Variants in KCND2 observed in about 807,000 individuals in gnomAD.
KCND2 encodes potassium voltage-gated channel subfamily D member 2.
A neutral mutation model predicts 54.4 loss-of-function variants in KCND2; 16 were observed. The ratio of observed to expected loss-of-function variants is 0.29; its 90% CI spans 0.20 to 0.45. KCND2 has a LOEUF of 0.45. KCND2 is among the 20% of genes least tolerant of loss of function. The probability of loss-of-function intolerance (pLI) is 1.00; values close to 1 mark genes in which losing one functional copy is unlikely to be tolerated. For missense variants in KCND2, 486 were observed against 824.2 expected (o/e 0.59, Z 5.02); for synonymous variants, 317 against 310.7 (o/e 1.02, Z -0.21).
At chr7:120,560,497 C>T (rs1792220430) in intron 1 of KCND2, among the ~76,000 whole-genome samples, 1 of 152,106 alleles carries the variant, frequency 6.6e-6, no homozygotes, top group Non-Finnish European at 1.5e-5. Context: ...TCTATGGAGC[C>T]CTTCTTGGGC....
chr7:120,431,321 C>T (rs1228165165), intron 1 of KCND2, among the ~76,000 whole-genome samples: 1 of 152,180 alleles, frequency 6.6e-6, no homozygotes, highest in African/African-American at 2.4e-5. Flanking sequence ...CAGCCCATGC[C>T]TTAACGTAGC....
intron 1 of KCND2, among the ~76,000 whole-genome samples, chr7:120,357,359 A>G (rs921449421): frequency 1.3e-5 from 2 of 152,102 alleles, no homozygotes; most frequent in African/African-American, 4.8e-5. Context: ...TTTTCATTAC[A>G]ATGTGCTTTT....
intron 1 of KCND2, among the ~76,000 whole-genome samples, chr7:120,520,478 A>G (rs1404191658): frequency 6.6e-6 from 1 of 152,158 alleles, no homozygotes; most frequent in African/African-American, 2.4e-5. Flanking sequence ...AGATAAAGAG[A>G]GTCCTTGACT....
chr7:120,694,562 A>AT (rs993764666), intron 1 of KCND2, among the ~76,000 whole-genome samples: 1 of 152,088 alleles, frequency 6.6e-6, no homozygotes, highest in African/African-American at 2.4e-5. Flanking sequence ...AACTATAGAT[A>AT]TTTTTTTCAT....
At chr7:120,413,282 G>A (rs556024632) in intron 1 of KCND2, among the ~76,000 whole-genome samples, 4 of 152,028 alleles carry the variant, frequency 2.6e-5, no homozygotes, top group East Asian at 1.9e-4. Flanking sequence ...ACTATGGTTA[G>A]ATTATCTACA....
chr7:120,715,062 C>G (rs1008350016), intron 1 of KCND2, among the ~76,000 whole-genome samples: 2 of 151,956 alleles, frequency 1.3e-5, no homozygotes, highest in Non-Finnish European at 2.9e-5. Flanking sequence ...TGGCATTCAC[C>G]TTCATTAGAG....
chr7:120,511,888 T>A (rs1416158707), intron 1 of KCND2, among the ~76,000 whole-genome samples: 1 of 152,120 alleles, frequency 6.6e-6, no homozygotes, highest in African/African-American at 2.4e-5. Flanking sequence ...CCCACTTGTA[T>A]TATATCAAAA....
chr7:120,427,320 C>T (rs1395867772), intron 1 of KCND2, among the ~76,000 whole-genome samples: 1 of 152,196 alleles, frequency 6.6e-6, no homozygotes, highest in African/African-American at 2.4e-5. Flanking sequence ...CAGTTACACC[C>T]TTTGTAAGCA....
At chr7:120,401,552 T>C (rs62471557) in intron 1 of KCND2, among the ~76,000 whole-genome samples, 15,559 of 152,164 alleles carry the variant, frequency 0.1, 835 homozygotes, top group Admixed American at 0.13. Context: ...ATTTAGGTGA[T>C]TTTGATGATT....
At chr7:120,383,873 T>C (rs1318489314) in intron 1 of KCND2, among the ~76,000 whole-genome samples, 1 of 152,100 alleles carries the variant, frequency 6.6e-6, no homozygotes, top group African/African-American at 2.4e-5. Context: ...CTTGTTTATA[T>C]GTGAGAAAGA....
chr7:120,369,767 A>G (rs1800740495), intron 1 of KCND2, among the ~76,000 whole-genome samples: 1 of 152,000 alleles, frequency 6.6e-6, no homozygotes, highest in African/African-American at 2.4e-5. Context: ...TTGTTCATTC[A>G]CTCAGACAAC....
chr7:120,587,451 T>A (rs1792613901), intron 1 of KCND2, among the ~76,000 whole-genome samples: 1 of 152,180 alleles, frequency 6.6e-6, no homozygotes, highest in African/African-American at 2.4e-5. Context: ...TTCTTCTTGA[T>A]CTGTTTCATG....
At chr7:120,289,037 AACACAC>A (rs763897007) in intron 1 of KCND2, among the ~76,000 whole-genome samples, 110 of 62,226 alleles carry the variant, frequency 1.8e-3, no homozygotes, top group African/African-American at 3.6e-3. Flanking sequence ...CAGAGACACA[AACACAC>A]ACACACACAC....
intron 1 of KCND2, among the ~76,000 whole-genome samples, chr7:120,380,067 A>G (rs1283895912): frequency 6.6e-6 from 1 of 152,088 alleles, no homozygotes; most frequent in East Asian, 1.9e-4. Context: ...TATATCCAAT[A>G]CACGAAAATA....
intron 1 of KCND2, among the ~76,000 whole-genome samples, chr7:120,303,618 T>C (rs1057119377): frequency 1.3e-5 from 2 of 152,162 alleles, no homozygotes; most frequent in Non-Finnish European, 2.9e-5. Context: ...AACTTCATGC[T>C]CTCTTTGGAC....
At chr7:120,394,893 G>T (rs1444043902) in intron 1 of KCND2, among the ~76,000 whole-genome samples, 1 of 151,890 alleles carries the variant, frequency 6.6e-6, no homozygotes, top group Non-Finnish European at 1.5e-5. Flanking sequence ...TTGGATGAGT[G>T]AGAAAAAAAT....
chr7:120,475,783 C>T (rs115597752), intron 1 of KCND2, among the ~76,000 whole-genome samples: 3,287 of 152,198 alleles, frequency 0.022, 118 homozygotes, highest in African/African-American at 0.074. Flanking sequence ...AATGCTGTGG[C>T]AATATAATTC....
In KCND2 at chr7:120,667,650, C is replaced by T. The variant is rs555095434; in HGVS notation, c.1116-65253C>T. On this transcript the variant is annotated intron_variant, in intron 1 of 5. Coordinates refer to ENST00000331113, the MANE Select transcript of KCND2 (RefSeq NM_012281.3). ...AATACTGTCAAGCAAGAGACATACC[C>T]TCATGGTTTTCTTTTTAGCTTAGAG... Among the ~76,000 whole-genome samples the T allele has an allele frequency of 9.2e-5, 14 of 152,102 alleles. 1 individual carries two copies. The highest frequency in any genetic ancestry group is 8.5e-4 in the Admixed American group (13 of 15,274).
chr7:120,501,478 C>T (rs1223369376), intron 1 of KCND2, among the ~76,000 whole-genome samples: 2 of 152,094 alleles, frequency 1.3e-5, no homozygotes, highest in African/African-American at 4.8e-5. Context: ...GAACATTTGC[C>T]AATGCAATGG....
Sources: allele counts gnomAD v4.1 joint callset (sites outside exome capture counted in the v4.1 genomes callset), GRCh38; gene constraint gnomAD v4.1.1; transcripts MANE v1.5; gene names NCBI Gene and HGNC (gene_info 2026-07-23, HGNC 2026-07-21).